SLC24A3: variants seen among roughly 807,000 people sequenced by gnomAD.
The protein encoded by SLC24A3 is solute carrier family 24 member 3, also known as sodium/potassium/calcium exchanger 3.
In SLC24A3, 28 loss-of-function variants were observed where a neutral mutation model predicts 75.8. The ratio of observed to expected loss-of-function variants is 0.37; its 90% CI spans 0.27 to 0.51. The LOEUF (loss-of-function observed/expected upper bound fraction) is 0.51. SLC24A3 is among the 20% of genes least tolerant of loss of function. The probability of loss-of-function intolerance (pLI) is 0.94; values close to 1 mark genes in which losing one functional copy is unlikely to be tolerated. For missense variants in SLC24A3, 663 were observed against 847.8 expected (o/e 0.78, Z 2.71); for synonymous variants, 372 against 334.1 (o/e 1.11, Z -1.24).
intron 8 of SLC24A3, among the ~76,000 whole-genome samples, chr20:19,673,250 A>G (rs1032587007): frequency 2.6e-5 from 4 of 152,116 alleles, no homozygotes; most frequent in African/African-American, 9.7e-5. Flanking sequence ...TCCCCTTGTA[A>G]ATATGTCTGA....
At chr20:19,601,948 G>A (rs758250247) in intron 6 of SLC24A3, among the ~76,000 whole-genome samples, 1 of 152,180 alleles carries the variant, frequency 6.6e-6, no homozygotes, top group Non-Finnish European at 1.5e-5. Flanking sequence ...TGAGGCGGAC[G>A]GATCACCTGA....
chr20:19,584,297 C>G (rs556283226), intron 4 of SLC24A3, among the ~76,000 whole-genome samples: 1 of 152,136 alleles, frequency 6.6e-6, no homozygotes. Context: ...CACTCCCACT[C>G]TCTGATCCCG....
intron 2 of SLC24A3, among the ~76,000 whole-genome samples, chr20:19,458,244 A>T (rs890956283): frequency 1.3e-5 from 2 of 152,098 alleles, no homozygotes; most frequent in East Asian, 3.8e-4. Context: ...TTTTATTGTT[A>T]GTTTCACTTG....
intron 2 of SLC24A3, among the ~76,000 whole-genome samples, chr20:19,325,168 C>A (rs1984809670): frequency 6.6e-6 from 1 of 151,936 alleles, no homozygotes; most frequent in African/African-American, 2.4e-5. Flanking sequence ...TGGCTCACGC[C>A]TATAACCCCA....
At chr20:19,682,109 A>G (rs1402264521) in intron 10 of SLC24A3, 118 bp downstream of exon 10, 2 of 1,177,640 alleles carry the variant, frequency 1.7e-6, no homozygotes, top group Non-Finnish European at 2.4e-6. Context: ...AACAAAATTA[A>G]CCAGGAGTGG....
At chr20:19,591,254 G>A (rs111383975) in intron 6 of SLC24A3, among the ~76,000 whole-genome samples, 16 of 152,138 alleles carry the variant, frequency 1.1e-4, no homozygotes, top group South Asian at 8.3e-4. Context: ...TCTTTGATAC[G>A]ATCTCCTGAA....
chr20:19,407,394 G>C (rs1192183367), intron 2 of SLC24A3, among the ~76,000 whole-genome samples: 1 of 152,198 alleles, frequency 6.6e-6, no homozygotes, highest in African/African-American at 2.4e-5. Context: ...TGAGAACGGG[G>C]CAGGTCGTGC....
chr20:19,638,972 G>A (rs1032042884), intron 6 of SLC24A3, among the ~76,000 whole-genome samples: 1 of 152,158 alleles, frequency 6.6e-6, no homozygotes. Flanking sequence ...TGCAAAGAGT[G>A]AAAGAACAAA....
At chr20:19,431,744 T>C (rs1463064250) in intron 2 of SLC24A3, among the ~76,000 whole-genome samples, 1 of 151,790 alleles carries the variant, frequency 6.6e-6, no homozygotes, top group African/African-American at 2.4e-5. Flanking sequence ...GTAAATTCAT[T>C]CAAATAATAA....
intron 6 of SLC24A3, among the ~76,000 whole-genome samples, chr20:19,617,530 G>A (rs185338339): frequency 2.1e-4 from 32 of 152,288 alleles, no homozygotes; most frequent in Middle Eastern, 6.8e-3. Flanking sequence ...TTCTTCTCAC[G>A]TAGGCTCAGG....
At chr20:19,482,726 A>G (rs923467353) in intron 2 of SLC24A3, among the ~76,000 whole-genome samples, 1 of 152,212 alleles carries the variant, frequency 6.6e-6, no homozygotes, top group African/African-American at 2.4e-5. Context: ...GACAGAACCT[A>G]TACCTTGCTG....
intron 12 of SLC24A3, among the ~76,000 whole-genome samples, chr20:19,686,231 C>T (rs2032674018): frequency 6.6e-6 from 1 of 152,192 alleles, no homozygotes; most frequent in Non-Finnish European, 1.5e-5. Context: ...CCACCCATCC[C>T]ATTGCACCTA....
At chr20:19,357,335 GT>G (rs1985705949) in intron 2 of SLC24A3, among the ~76,000 whole-genome samples, 2 of 152,156 alleles carry the variant, frequency 1.3e-5, no homozygotes, top group South Asian at 4.2e-4. Flanking sequence ...CATTTCTGTT[GT>G]TTTAAGGGAC....
intron 6 of SLC24A3, among the ~76,000 whole-genome samples, chr20:19,650,283 C>G (rs2032187262): frequency 6.6e-6 from 1 of 152,208 alleles, no homozygotes; most frequent in Non-Finnish European, 1.5e-5. Flanking sequence ...AAGGATATCA[C>G]TATCCACCCA....
At chr20:19,500,235 C>A (rs1253862754) in intron 2 of SLC24A3, among the ~76,000 whole-genome samples, 1 of 152,156 alleles carries the variant, frequency 6.6e-6, no homozygotes, top group African/African-American at 2.4e-5. Flanking sequence ...GCTTCTGTGT[C>A]GTAGACTCAG....
chr20:19,251,989 G>A (rs998915485), intron 1 of SLC24A3, among the ~76,000 whole-genome samples: 6 of 151,972 alleles, frequency 3.9e-5, no homozygotes, highest in African/African-American at 9.7e-5. Flanking sequence ...TATCCTGAAC[G>A]CCACCTAATG....
chr20:19,507,369 A>G (rs956101390), intron 2 of SLC24A3, among the ~76,000 whole-genome samples: 8 of 152,254 alleles, frequency 5.3e-5, no homozygotes, highest in South Asian at 2.1e-4. Context: ...ATTTCTCACA[A>G]GGAGCTAGGA....
chr20:19,433,904 A>G (rs1202964890), intron 2 of SLC24A3, among the ~76,000 whole-genome samples: 2 of 152,178 alleles, frequency 1.3e-5, no homozygotes, highest in African/African-American at 4.8e-5. Flanking sequence ...AACAGTGGAT[A>G]GTGGTCCCAA....
intron 1 of SLC24A3, among the ~76,000 whole-genome samples, chr20:19,248,431 T>C (rs1469654469): frequency 6.6e-6 from 1 of 152,192 alleles, no homozygotes; most frequent in Non-Finnish European, 1.5e-5. Context: ...ACTCTCTTAG[T>C]ATTGGTTATA....
Sources: gnomAD v4.1 joint callset for allele counts (sites outside exome capture counted in the v4.1 genomes callset) on GRCh38, gnomAD v4.1.1 for gene constraint, MANE v1.5 for transcripts, NCBI Gene and HGNC (gene_info 2026-07-23, HGNC 2026-07-21) for gene names.